The following CNTNAP5 variants were observed in gnomAD, a reference collection of about 807,000 sequenced individuals.
CNTNAP5 encodes the protein contactin-associated protein-like 5.
CNTNAP5 carries 72 observed loss-of-function variants against 150.2 expected under a neutral mutation model. The ratio of observed to expected loss-of-function variants is 0.48; its 90% CI spans 0.40 to 0.58. The LOEUF (loss-of-function observed/expected upper bound fraction) is 0.58, where lower values mean the gene tolerates loss of function less well. Ranked by LOEUF, CNTNAP5 falls within the 20% of genes least tolerant of loss-of-function variation. The pLI, the probability that CNTNAP5 is intolerant of heterozygous loss-of-function variation, is 0.00. For missense variants in CNTNAP5, 1,636 were observed against 1,626.2 expected (o/e 1.01, Z -0.10); for synonymous variants, 672 against 619.8 (o/e 1.08, Z -1.25).
chr2:124,032,324 T>A (rs565456435), intron 1 of CNTNAP5, among the ~76,000 whole-genome samples: 16 of 152,134 alleles, frequency 1.1e-4, no homozygotes, highest in Admixed American at 5.2e-4. Flanking sequence ...GAAGAAAAAA[T>A]TAGAGTTGTA....
At chr2:124,371,658 TA>T (rs1690530076) in intron 3 of CNTNAP5, among the ~76,000 whole-genome samples, 1 of 152,090 alleles carries the variant, frequency 6.6e-6, no homozygotes. Flanking sequence ...AATGTTGTAG[TA>T]GCTGGTAAGA....
intron 1 of CNTNAP5, among the ~76,000 whole-genome samples, chr2:124,028,255 T>C (rs1680951288): frequency 6.6e-6 from 1 of 152,060 alleles, no homozygotes; most frequent in African/African-American, 2.4e-5. Flanking sequence ...GTTTTTATTA[T>C]TCTTATAATA....
intron 17 of CNTNAP5, among the ~76,000 whole-genome samples, chr2:124,783,724 A>T (rs902172162): frequency 2.0e-5 from 3 of 152,188 alleles, no homozygotes; most frequent in African/African-American, 7.2e-5. Context: ...TCAATGAAGC[A>T]TGTAGAAGGT....
chr2:124,308,268 G>A (rs566746178), intron 3 of CNTNAP5, among the ~76,000 whole-genome samples: 2 of 151,876 alleles, frequency 1.3e-5, no homozygotes, highest in African/African-American at 4.8e-5. Flanking sequence ...TACCTAAACT[G>A]CCAGTCTTGG....
intron 13 of CNTNAP5, among the ~76,000 whole-genome samples, chr2:124,673,210 C>T (rs7568564): frequency 0.25 from 38,093 of 151,550 alleles, 5,154 homozygotes; most frequent in African/African-American, 0.36. Flanking sequence ...TCTTAAGAGT[C>T]GAGTACACAA....
chr2:124,300,126 T>A (rs1008414972), intron 3 of CNTNAP5, among the ~76,000 whole-genome samples: 1 of 152,208 alleles, frequency 6.6e-6, no homozygotes, highest in Non-Finnish European at 1.5e-5. Context: ...ATTTCAACTG[T>A]TTCTTAGAGG....
chr2:124,904,099 A>G (rs1290822477), intron 22 of CNTNAP5, among the ~76,000 whole-genome samples: 1 of 148,342 alleles, frequency 6.7e-6, no homozygotes, highest in African/African-American at 2.5e-5. Flanking sequence ...TCATCTTCTG[A>G]CTGAAAGCTT....
At chr2:124,079,163 A>G (rs973967605) in intron 1 of CNTNAP5, among the ~76,000 whole-genome samples, 4 of 152,204 alleles carry the variant, frequency 2.6e-5, no homozygotes, top group Non-Finnish European at 5.9e-5. Context: ...TGGGGCAGCA[A>G]AAACACCTGT....
intron 22 of CNTNAP5, 70 bp from the exon 23 acceptor site, chr2:124,911,397 G>T (rs1382218336): frequency 5.4e-6 from 6 of 1,115,268 alleles, no homozygotes; most frequent in Middle Eastern, 1.9e-4. Flanking sequence ...ATTCCAGGTG[G>T]GCCACACTGT....
chr2:124,350,496 G>A (rs545863336), intron 3 of CNTNAP5, among the ~76,000 whole-genome samples: 7 of 150,150 alleles, frequency 4.7e-5, no homozygotes, highest in Admixed American at 2.7e-4. Flanking sequence ...CAGTTCTTAC[G>A]CCTTCACATT....
intron 6 of CNTNAP5, among the ~76,000 whole-genome samples, chr2:124,448,647 C>T (rs1181034075): frequency 1.3e-5 from 2 of 152,082 alleles, no homozygotes; most frequent in Admixed American, 6.6e-5. Flanking sequence ...GGCTTGAGGC[C>T]TGTTTTTTTA....
In CNTNAP5 at chr2:124,715,095, G is replaced by A. The variant is rs184375047; in HGVS notation, c.2078-32134G>A. On this transcript the variant is annotated intron_variant, in intron 13 of 23. Transcript: ENST00000682447. ...GCTATTGCTTGGATCCCAGTAATGC[G>A]GAGTGTGTTTAATCCTTGGTTAGTT... Among the ~76,000 whole-genome samples, 6 of 152,246 alleles carry A rather than the reference G, an allele frequency of 3.9e-5. No homozygotes were observed. The East Asian group carries it at 5.8e-4, about 15-fold the overall frequency.
At chr2:124,262,083 CT>C (rs201102644) in intron 3 of CNTNAP5, among the ~76,000 whole-genome samples, 13 of 148,198 alleles carry the variant, frequency 8.8e-5, no homozygotes, top group Admixed American at 6.1e-4. Context: ...CTCTACGTTT[CT>C]TTTTTTTTTA....
intron 21 of CNTNAP5, among the ~76,000 whole-genome samples, chr2:124,897,691 C>A (rs1840207): frequency 0.53 from 79,666 of 151,046 alleles, 22,574 homozygotes; most frequent in African/African-American, 0.7. Flanking sequence ...AAAAGTGTCA[C>A]GCATAGCATA....
intron 13 of CNTNAP5, among the ~76,000 whole-genome samples, chr2:124,685,763 C>CAT (rs1679180973): frequency 7.0e-6 from 1 of 143,672 alleles, no homozygotes; most frequent in African/African-American, 2.7e-5. Flanking sequence ...TGTGTGTGTG[C>CAT]GCGCGCGTGT....
At chr2:124,664,897 G>A (rs1678666201) in intron 13 of CNTNAP5, among the ~76,000 whole-genome samples, 2 of 152,188 alleles carry the variant, frequency 1.3e-5, no homozygotes, top group Non-Finnish European at 2.9e-5. Flanking sequence ...ATGTTGGCCA[G>A]GCTGGTCTCG....
intron 3 of CNTNAP5, among the ~76,000 whole-genome samples, chr2:124,340,114 A>G (rs990118612): frequency 2.0e-5 from 3 of 152,176 alleles, no homozygotes; most frequent in Non-Finnish European, 4.4e-5. Flanking sequence ...ATAATCTTGT[A>G]GCCTTTCATT....
chr2:124,494,946 G>T, intron 7 of CNTNAP5, among the ~76,000 whole-genome samples: 1 of 151,710 alleles, frequency 6.6e-6, no homozygotes, highest in Non-Finnish European at 1.5e-5. Context: ...AAATACATTG[G>T]AAATACAAAA....
chr2:124,622,466 A>G (rs1051006074), intron 12 of CNTNAP5, among the ~76,000 whole-genome samples: 1 of 152,126 alleles, frequency 6.6e-6, no homozygotes, highest in Non-Finnish European at 1.5e-5. Context: ...GATGATTTAG[A>G]TTCCTTTGGG....
Sources: gnomAD v4.1 joint callset for allele counts (sites outside exome capture counted in the v4.1 genomes callset) on GRCh38, gnomAD v4.1.1 for gene constraint, MANE v1.5 for transcripts, NCBI Gene and HGNC (gene_info 2026-07-23, HGNC 2026-07-21) for gene names.